The following MTHFD1 variants were observed in gnomAD, a reference collection of about 807,000 sequenced individuals.
MTHFD1 encodes C-1-tetrahydrofolate synthase, cytoplasmic.
MTHFD1 carries 44 observed loss-of-function variants against 110.3 expected under a neutral mutation model. The observed-to-expected ratio is 0.40, with a 90% CI of 0.31 to 0.51. MTHFD1 has a LOEUF of 0.51. Ranked by LOEUF, MTHFD1 falls within the 20% of genes least tolerant of loss-of-function variation. MTHFD1 has a pLI of 0.60. For synonymous variants in MTHFD1, 402 were observed against 428.8 expected, an observed-to-expected ratio of 0.94 and a Z score of 0.77; for missense variants, 909 against 1,173.1, an observed-to-expected ratio of 0.77 and a Z score of 3.29.
At chr14:64,431,219 C>A (rs1596547230) in intron 13 of MTHFD1, among the ~76,000 whole-genome samples, 3 of 151,966 alleles carry the variant, frequency 2.0e-5, no homozygotes, top group Admixed American at 6.6e-5. Flanking sequence ...GTGCGCACTA[C>A]CACACTTGGC....
At chr14:64,425,889 CT>C in intron 10 of MTHFD1, 62 bp downstream of exon 10, 1 of 1,578,676 alleles carries the variant, frequency 6.3e-7, no homozygotes, top group Non-Finnish European at 8.7e-7. Context: ...TTGACAGATA[CT>C]GTGGGTTCAC....
intron 1 of MTHFD1, 67 bp downstream of exon 1, chr14:64,388,535 C>G: frequency 1.3e-6 from 2 of 1,481,622 alleles, no homozygotes; most frequent in Non-Finnish European, 9.4e-7. Context: ...TGCAGGTCCC[C>G]CGGACCCATT....
At chr14:64,409,405 A>T (rs2077963938) in intron 2 of MTHFD1, among the ~76,000 whole-genome samples, 1 of 152,366 alleles carries the variant, frequency 6.6e-6, no homozygotes, top group South Asian at 2.1e-4. Context: ...TGGCTTCCTT[A>T]CTGGCAGCAA....
chr14:64,442,490 G>A (rs2078257123), intron 21 of MTHFD1, 88 bp downstream of exon 21: 1 of 1,383,038 alleles, frequency 7.2e-7, no homozygotes, highest in African/African-American at 1.4e-5. Context: ...TCTTCATTGA[G>A]TTGCTCTTAT....
chr14:64,391,389 T>A (rs1057043335), intron 1 of MTHFD1, among the ~76,000 whole-genome samples: 1 of 152,208 alleles, frequency 6.6e-6, no homozygotes, highest in Non-Finnish European at 1.5e-5. Flanking sequence ...GGTCTTGAAC[T>A]CCTGACCTCA....
At chr14:64,425,210 C>CTTTTT (rs60509639) in intron 9 of MTHFD1, among the ~76,000 whole-genome samples, 5 of 128,762 alleles carry the variant, frequency 3.9e-5, no homozygotes, top group South Asian at 2.5e-4. Flanking sequence ...CCTTCCCTTT[C>CTTTTT]TTTTTTTTTT....
intron 3 of MTHFD1, among the ~76,000 whole-genome samples, chr14:64,411,807 A>C (rs1196071676): frequency 6.6e-6 from 1 of 152,100 alleles, no homozygotes; most frequent in Admixed American, 6.6e-5. Flanking sequence ...AGGCTGAGGC[A>C]GGAGAATCGC....
At position 64,448,297 on chromosome 14, in the gene MTHFD1, A is replaced by C. The variant is rs1566574649; in HGVS notation, c.2259A>C (p.Val753=). ...CCAGAATGTTTGGAATTCCAGTAGT[A>C]GTGGCCGTGAATGCATTCAAGTAAG... ...ENARMFGIPV[V]VAVNAFKTDT... Residue 753 remains valine (V), a synonymous_variant, in exon 23 of 28, where the codon GTA becomes GTC. Transcript: ENST00000652337. 6.2e-7 allele frequency: 1 copy of C among 1,613,712 alleles called. No homozygotes were observed. Among genetic ancestry groups the C allele is most frequent in the East Asian group, 2.2e-5 (1 of 44,888 alleles).
intron 27 of MTHFD1, chr14:64,458,528 C>G (rs2078510834): frequency 1.8e-6 from 1 of 565,538 alleles, no homozygotes; most frequent in East Asian, 3.2e-5. Flanking sequence ...CGCAGCATGG[C>G]TTGTCACAGG....
chr14:64,458,206 CA>C lies in MTHFD1; in HGVS notation c.2719-7del. ...TTAGTTTATTTGTAATGCTTTTTTA[CA>C]TCCTAGATGAGCACAATGCCTGGAC... On this transcript the variant is annotated splice_polypyrimidine_tract_variant and splice_region_variant and intron_variant, in intron 26 of 27. Coordinates refer to ENST00000652337, the MANE Select transcript of MTHFD1 (RefSeq NM_005956.4). 1 of 1,596,332 alleles carries C rather than the reference CA, an allele frequency of 6.3e-7. No homozygotes were observed. The highest frequency in any genetic ancestry group is 1.1e-5 in the South Asian group (1 of 90,722).
At chr14:64,455,040 G>A (rs982338203) in intron 26 of MTHFD1, 165 bp downstream of exon 26, 2 of 717,534 alleles carry the variant, frequency 2.8e-6, no homozygotes, top group Non-Finnish European at 5.0e-6. Flanking sequence ...TAAAGCAGGA[G>A]CTATATAGCT....
At chr14:64,423,413 CTT>C (rs549281567) in intron 8 of MTHFD1, among the ~76,000 whole-genome samples, 2 of 150,152 alleles carry the variant, frequency 1.3e-5, no homozygotes, top group African/African-American at 4.9e-5. Flanking sequence ...GCAGAACTAA[CTT>C]TTTTTTTTGA....
At chr14:64,442,202 T>A (rs2078254802) in intron 20 of MTHFD1, 37 bp downstream of exon 20, 5 of 1,613,964 alleles carry the variant, frequency 3.1e-6, no homozygotes, top group Non-Finnish European at 4.2e-6. Context: ...ATAGACTGTA[T>A]GTTTCTTTTA....
chr14:64,429,406 C>T (rs958063229), intron 12 of MTHFD1, among the ~76,000 whole-genome samples: 2 of 151,808 alleles, frequency 1.3e-5, no homozygotes, highest in African/African-American at 4.8e-5. Flanking sequence ...TCATAACTCA[C>T]TGCAGCCTTG....
chr14:64,419,760 T>G (rs1024772876), intron 7 of MTHFD1, 54 bp from the exon 8 acceptor site: 6 of 1,202,194 alleles, frequency 5.0e-6, no homozygotes, highest in Non-Finnish European at 7.4e-6. Flanking sequence ...CTGGGTTTTT[T>G]TTTGGTGTGT....
At chr14:64,426,285 C>G (rs761738986) in intron 11 of MTHFD1, 93 bp downstream of exon 11, 18 of 1,438,824 alleles carry the variant, frequency 1.3e-5, no homozygotes, top group Non-Finnish European at 1.7e-5. Context: ...TGTAGAGGTG[C>G]CTTTAATTTG....
At chr14:64,399,143 C>T (rs1028333171) in intron 1 of MTHFD1, among the ~76,000 whole-genome samples, 1 of 152,148 alleles carries the variant, frequency 6.6e-6, no homozygotes, top group African/African-American at 2.4e-5. Flanking sequence ...GGTCATCTTA[C>T]TAGTGCAGGT....
At chr14:64,437,785 A>G (rs2078217702) in intron 16 of MTHFD1, among the ~76,000 whole-genome samples, 1 of 152,220 alleles carries the variant, frequency 6.6e-6, no homozygotes, top group African/African-American at 2.4e-5. Context: ...CAGCTCAGAA[A>G]CAACCAGATG....
intron 8 of MTHFD1, among the ~76,000 whole-genome samples, chr14:64,421,534 C>T (rs2078070591): frequency 1.3e-5 from 2 of 152,078 alleles, no homozygotes; most frequent in South Asian, 2.1e-4. Context: ...ATCTAACAGG[C>T]GATAAAGAAA....
Sources: gnomAD v4.1 joint callset for allele counts (sites outside exome capture counted in the v4.1 genomes callset) on GRCh38, gnomAD v4.1.1 for gene constraint, MANE v1.5 for transcripts, NCBI Gene and HGNC (gene_info 2026-07-23, HGNC 2026-07-21) for gene names.